DOCK4: variants seen among roughly 807,000 people sequenced by gnomAD.
DOCK4 encodes the protein dedicator of cytokinesis protein 4.
In DOCK4, 97 loss-of-function variants were observed where a neutral mutation model predicts 268.1. That is an observed-to-expected ratio of 0.36 (90% CI 0.31 to 0.43). The LOEUF is 0.43. DOCK4 is among the 20% of genes least tolerant of loss of function. DOCK4 has a pLI of 1.00. For missense variants in DOCK4, 2,145 were observed against 2,455.7 expected (o/e 0.87, Z 2.67); for synonymous variants, 954 against 887.2 (o/e 1.08, Z -1.34).
At chr7:112,080,993 A>G (rs911848271) in intron 1 of DOCK4, among the ~76,000 whole-genome samples, 6 of 152,216 alleles carry the variant, frequency 3.9e-5, no homozygotes, top group African/African-American at 1.4e-4. Context: ...GAAATTGTTA[A>G]AAGACATGAA....
At chr7:111,940,269 C>A (rs1171458966) in intron 10 of DOCK4, 27 bp from the exon 11 acceptor site, 1 of 1,613,718 alleles carries the variant, frequency 6.2e-7, no homozygotes, top group Admixed American at 1.7e-5. Context: ...CAATCATTAA[C>A]CCATGGAGCC....
intron 25 of DOCK4, among the ~76,000 whole-genome samples, chr7:111,842,425 G>A (rs1028210353): frequency 1.1e-4 from 16 of 152,204 alleles, no homozygotes; most frequent in African/African-American, 1.7e-4. Flanking sequence ...GCTTTTAGCC[G>A]CAGTTGCTCT....
At chr7:112,053,421 A>G (rs545767341) in intron 1 of DOCK4, among the ~76,000 whole-genome samples, 22 of 152,280 alleles carry the variant, frequency 1.4e-4, no homozygotes, top group African/African-American at 5.3e-4. Context: ...TTTCTGTAAG[A>G]AAAAAATTAT....
At chr7:111,818,356 A>C (rs1801717155) in intron 27 of DOCK4, among the ~76,000 whole-genome samples, 1 of 152,084 alleles carries the variant, frequency 6.6e-6, no homozygotes, top group African/African-American at 2.4e-5. Context: ...GTACACCTCA[A>C]ACTTATGTTC....
At chr7:112,027,108 C>T (rs1224069790) in intron 1 of DOCK4, among the ~76,000 whole-genome samples, 1 of 152,136 alleles carries the variant, frequency 6.6e-6, no homozygotes, top group African/African-American at 2.4e-5. Context: ...CTCACAAATA[C>T]ATTGGAGAAA....
chr7:112,198,746 G>A (rs183179629), intron 1 of DOCK4, among the ~76,000 whole-genome samples: 175 of 151,990 alleles, frequency 1.2e-3, no homozygotes, highest in Non-Finnish European at 1.4e-3. Flanking sequence ...TCTGTGCATC[G>A]ACTGCCTCTT....
intron 1 of DOCK4, among the ~76,000 whole-genome samples, chr7:112,088,609 T>C (rs1238605682): frequency 2.6e-5 from 4 of 152,158 alleles, no homozygotes; most frequent in Non-Finnish European, 5.9e-5. Context: ...AGCACAGAGC[T>C]TAAACATGTG....
intron 13 of DOCK4, among the ~76,000 whole-genome samples, chr7:111,915,372 C>T (rs1161329095): frequency 3.3e-5 from 5 of 152,146 alleles, no homozygotes; most frequent in Admixed American, 6.5e-5. Flanking sequence ...GTGTTCAGTA[C>T]GTTTTTATCA....
chr7:112,134,385 T>TA (rs1814111591), intron 1 of DOCK4, among the ~76,000 whole-genome samples: 1 of 152,178 alleles, frequency 6.6e-6, no homozygotes, highest in African/African-American at 2.4e-5. Context: ...GTGGAAGGTA[T>TA]AAAAAGTGTT....
intron 27 of DOCK4, among the ~76,000 whole-genome samples, chr7:111,815,798 A>T (rs1801502834): frequency 6.6e-6 from 1 of 151,646 alleles, no homozygotes; most frequent in Admixed American, 6.6e-5. Flanking sequence ...CAGCCTCCCA[A>T]GTAGCTGGGA....
chr7:111,803,859 T>C (rs542598286), intron 30 of DOCK4, among the ~76,000 whole-genome samples: 1 of 152,274 alleles, frequency 6.6e-6, no homozygotes, highest in South Asian at 2.1e-4. Flanking sequence ...GCTTTTATGC[T>C]CTAAAAATAC....
chr7:112,110,099 C>A (rs1811516818), intron 1 of DOCK4, among the ~76,000 whole-genome samples: 1 of 152,098 alleles, frequency 6.6e-6, no homozygotes, highest in African/African-American at 2.4e-5. Flanking sequence ...TTGTGGATGC[C>A]CTCTCAGAGA....
At position 111,935,578 on chromosome 7, in the gene DOCK4, T is replaced by C; in HGVS notation, c.1028A>G (p.Lys343Arg). ...WYQIHENIIK[K>R]LNARYNLTGS... Reference sequence around the variant, plus strand: ...AGTCAAGTTATAACGTGCATTCAGCTTTTTGATGATGTTCTCATGGATTTG... The same window carrying C: ...AGTCAAGTTATAACGTGCATTCAGCCTTTTGATGATGTTCTCATGGATTTG... Residue 343 changes from lysine (K) to arginine (R), a missense_variant, in exon 12 of 53, where the codon AAG (lysine) becomes AGG (arginine). Lys to Arg is a conservative substitution (Grantham distance 26). This residue lies in a region of DOCK4 where 1,598 missense variants were observed against 1,986.7 expected (regional missense o/e 0.80). Coordinates refer to ENST00000428084, the MANE Select transcript of DOCK4 (RefSeq NM_001363540.2). 6.2e-7 allele frequency: 1 copy of C among 1,613,958 alleles called. No individual in the cohort carries two copies. Among genetic ancestry groups the C allele is most frequent in the Non-Finnish European group, 8.5e-7 (1 of 1,179,864 alleles).
intron 12 of DOCK4, among the ~76,000 whole-genome samples, chr7:111,925,225 T>A (rs1469997907): frequency 6.6e-6 from 1 of 152,172 alleles, no homozygotes; most frequent in Non-Finnish European, 1.5e-5. Context: ...GATAATTGAA[T>A]TTCACAGTAA....
At chr7:111,961,031 T>G (rs1403092127) in intron 8 of DOCK4, among the ~76,000 whole-genome samples, 2 of 152,146 alleles carry the variant, frequency 1.3e-5, no homozygotes, top group African/African-American at 2.4e-5. Flanking sequence ...TTCATTTCTT[T>G]AGATGCATGC....
At chr7:112,160,283 T>C (rs546528523) in intron 1 of DOCK4, among the ~76,000 whole-genome samples, 2 of 152,334 alleles carry the variant, frequency 1.3e-5, no homozygotes, top group East Asian at 3.9e-4. Flanking sequence ...GATGATAAGA[T>C]GTTTCTTTTG....
chr7:112,129,635 A>AG (rs765720673), intron 1 of DOCK4, among the ~76,000 whole-genome samples: 12 of 152,332 alleles, frequency 7.9e-5, no homozygotes, highest in Non-Finnish European at 1.3e-4. Context: ...AAGGGAGCTG[A>AG]GTGAAGGGTA....
At chr7:111,835,756 A>C (rs1803187870) in intron 25 of DOCK4, among the ~76,000 whole-genome samples, 1 of 152,166 alleles carries the variant, frequency 6.6e-6, no homozygotes, top group Non-Finnish European at 1.5e-5. Context: ...AAAAGCCCTG[A>C]GAAGGGAATT....
intron 1 of DOCK4, among the ~76,000 whole-genome samples, chr7:112,170,896 C>T (rs758161849): frequency 5.9e-5 from 9 of 152,200 alleles, no homozygotes; most frequent in Non-Finnish European, 1.0e-4. Context: ...ACTTTTAGTG[C>T]GATGATCCCA....
Sources: gnomAD v4.1 joint callset for allele counts (sites outside exome capture counted in the v4.1 genomes callset) on GRCh38, gnomAD v4.1.1 for gene constraint, gnomAD v4.1.1 regional missense constraint, MANE v1.5 for transcripts, NCBI Gene and HGNC (gene_info 2026-07-23, HGNC 2026-07-21) for gene names.